Variants in RCOR1 observed in about 807,000 individuals in gnomAD.
RCOR1 encodes the protein REST corepressor.
RCOR1 carries 12 observed loss-of-function variants against 64.0 expected under a neutral mutation model. The ratio of observed to expected loss-of-function variants is 0.19; its 90% CI spans 0.12 to 0.30. The LOEUF is 0.30. Among genes scored for constraint, RCOR1 ranks in the 10% least tolerant of loss-of-function variants. The pLI is 1.00. For synonymous variants in RCOR1, 279 were observed against 227.2 expected (o/e 1.23, Z -2.05); for missense variants, 502 against 621.2 (o/e 0.81, Z 2.04).
At chr14:102,688,153 A>G (rs1263410426) in intron 3 of RCOR1, among the ~76,000 whole-genome samples, 4 of 152,042 alleles carry the variant, frequency 2.6e-5, no homozygotes, top group African/African-American at 9.7e-5. Flanking sequence ...TTTAGTAGAG[A>G]CAGGGTTTTA....
intron 2 of RCOR1, among the ~76,000 whole-genome samples, chr14:102,631,226 G>C (rs189642388): frequency 6.7e-4 from 100 of 149,200 alleles, no homozygotes; most frequent in African/African-American, 2.4e-3. Flanking sequence ...TTTTTGAGAC[G>C]GAGTCTTGCT....
intron 2 of RCOR1, among the ~76,000 whole-genome samples, chr14:102,647,610 C>A (rs1408403759): frequency 1.3e-5 from 2 of 152,152 alleles, no homozygotes; most frequent in Non-Finnish European, 1.5e-5. Flanking sequence ...TGAGCCACTG[C>A]ACCTGGCCCA....
chr14:102,673,688 T>C (rs1194849358), intron 2 of RCOR1, among the ~76,000 whole-genome samples: 3 of 151,996 alleles, frequency 2.0e-5, no homozygotes, highest in South Asian at 2.1e-4. Context: ...CGATCTCGGC[T>C]CACCGCAACC....
chr14:102,605,471 G>A (rs1893486260), intron 2 of RCOR1, among the ~76,000 whole-genome samples: 1 of 152,108 alleles, frequency 6.6e-6, no homozygotes, highest in Admixed American at 6.6e-5. Flanking sequence ...AGATTATAAT[G>A]GAACTAAAAA....
intron 2 of RCOR1, among the ~76,000 whole-genome samples, chr14:102,600,211 C>CT (rs1044339669): frequency 6.6e-6 from 1 of 150,484 alleles, no homozygotes; most frequent in Non-Finnish European, 1.5e-5. Context: ...CTCAGCCTCT[C>CT]TGAGTAGCTG....
intron 2 of RCOR1, among the ~76,000 whole-genome samples, chr14:102,676,734 C>CA (rs1895171457): frequency 1.2e-5 from 1 of 86,524 alleles, no homozygotes; most frequent in Non-Finnish European, 2.5e-5. Flanking sequence ...GGGGGGCTGA[C>CA]CCCCCCCACC....
chr14:102,690,033 G>A (rs1161182233), intron 3 of RCOR1, among the ~76,000 whole-genome samples: 1 of 150,792 alleles, frequency 6.6e-6, no homozygotes, highest in African/African-American at 2.5e-5. Flanking sequence ...GTGAGTCACC[G>A]CGCCCGGCCT....
At chr14:102,708,034 C>G (rs1488636049) in intron 5 of RCOR1, among the ~76,000 whole-genome samples, 1 of 148,048 alleles carries the variant, frequency 6.8e-6, no homozygotes, top group South Asian at 2.1e-4. Context: ...GGCGCGATCT[C>G]GGCTCACTGA....
At position 102,707,413 on chromosome 14, in the gene RCOR1, C is replaced by A; in HGVS notation, c.561C>A (p.Asn187Lys). ...NIEKSLADLP[N>K]FTPFPDEWTV... Reference sequence around the variant, plus strand: ...AAAAGTCATTGGCTGATTTGCCCAACTTTACCCCTTTCCCAGATGAGTGGA... The same window carrying A: ...AAAAGTCATTGGCTGATTTGCCCAAATTTACCCCTTTCCCAGATGAGTGGA... Residue 187 changes from asparagine (N) to lysine (K), a missense_variant, in exon 5 of 12, where the codon AAC becomes AAA. Around this residue, in one of 2 missense-constraint regions of RCOR1, gnomAD observed 260 missense variants for 416.4 expected, o/e 0.62. Transcript: ENST00000262241. The A allele has an allele frequency of 6.2e-7, 1 of 1,613,682 alleles. No individual in the cohort carries two copies. Among genetic ancestry groups the A allele is most frequent in the South Asian group, 1.1e-5 (1 of 90,984 alleles).
chr14:102,713,629 G>A (rs115892651), intron 7 of RCOR1, among the ~76,000 whole-genome samples: 2,140 of 152,274 alleles, frequency 0.014, 23 homozygotes, highest in Admixed American at 0.018. Context: ...TAGAACAGAC[G>A]TAGTCAGTTG....
rs780186697 is a variant in RCOR1, at chr14:102,710,909, T to C, written c.780-26T>C. Reference sequence around the variant, plus strand: ...TCGGAAAATTAGTACAAAATAATCATTCAGTAACTTGTTCTTGTCTTCCAG... The same window carrying C: ...TCGGAAAATTAGTACAAAATAATCACTCAGTAACTTGTTCTTGTCTTCCAG... On this transcript the variant is annotated intron_variant, in intron 6 of 11. Transcript: ENST00000262241. 5 of 1,524,656 alleles carry C rather than the reference T, an allele frequency of 3.3e-6. No homozygotes were observed. In the Admixed American group the frequency reaches 9.5e-5, roughly 29 times the overall value. 94.4% of individuals were successfully genotyped at this position (1,524,656 alleles called of 1,614,324 possible).
In RCOR1 at chr14:102,726,568, T is replaced by A; in HGVS notation, c.*62T>A. ...GTGTTATCCGGGATATCAGGTATTA[T>A]GAGACATCACCTAGCCATCTGCATC... is the stretch of plus-strand genomic sequence containing the variant. On this transcript the variant is annotated 3_prime_UTR_variant, in exon 12 of 12. Coordinates refer to ENST00000262241, the MANE Select transcript of RCOR1 (RefSeq NM_015156.4). 7.2e-7 allele frequency: 1 copy of A among 1,397,188 alleles called. No homozygotes were observed. The highest frequency in any genetic ancestry group is 1.0e-6 in the Non-Finnish European group (1 of 1,004,678). The allele number at this position is 1,397,188 out of a possible 1,614,324, so 86.5% of individuals were successfully genotyped here.
chr14:102,696,835 A>T (rs1231643626), intron 3 of RCOR1, among the ~76,000 whole-genome samples: 6 of 123,232 alleles, frequency 4.9e-5, no homozygotes, highest in Admixed American at 8.1e-5. Context: ...TTTTTTTATA[A>T]GGGTAGCTGG....
intron 2 of RCOR1, chr14:102,630,148 A>G (rs1219635124): frequency 9.2e-6 from 2 of 217,022 alleles, no homozygotes; most frequent in East Asian, 1.8e-4. Flanking sequence ...TGGAACCCTC[A>G]TAAATAGATT....
intron 2 of RCOR1, among the ~76,000 whole-genome samples, chr14:102,662,904 C>T (rs928583942): frequency 2.0e-5 from 3 of 152,104 alleles, no homozygotes; most frequent in African/African-American, 2.4e-5. Flanking sequence ...GCTAGAGGCT[C>T]GGGTAAACAT....
intron 2 of RCOR1, among the ~76,000 whole-genome samples, chr14:102,660,528 AC>A (rs1241654985): frequency 6.6e-6 from 1 of 152,100 alleles, no homozygotes; most frequent in Admixed American, 6.6e-5. Context: ...AGCTGGAAGT[AC>A]AGGAGTGCAA....
intron 8 of RCOR1, among the ~76,000 whole-genome samples, chr14:102,719,528 C>G (rs1896135502): frequency 6.6e-6 from 1 of 152,110 alleles, no homozygotes; most frequent in African/African-American, 2.4e-5. Context: ...CGATAGTTTG[C>G]TCAGAATGAT....
chr14:102,692,728 C>CCTTT (rs1442597349), intron 3 of RCOR1, among the ~76,000 whole-genome samples: 1 of 141,400 alleles, frequency 7.1e-6, no homozygotes, highest in Admixed American at 7.6e-5. Context: ...TTCCTTCCTT[C>CCTTT]CTTCCTTCCT....
intron 3 of RCOR1, among the ~76,000 whole-genome samples, chr14:102,695,842 C>A (rs545040421): frequency 6.6e-6 from 1 of 151,928 alleles, no homozygotes; most frequent in Non-Finnish European, 1.5e-5. Flanking sequence ...AGCCACTGCG[C>A]CCAGTGCATA....
Sources: gnomAD v4.1 joint callset for allele counts (sites outside exome capture counted in the v4.1 genomes callset) on GRCh38, gnomAD v4.1.1 for gene constraint, gnomAD v4.1.1 regional missense constraint, MANE v1.5 for transcripts, NCBI Gene and HGNC (gene_info 2026-07-23, HGNC 2026-07-21) for gene names.